The following PLXND1 variants were observed in gnomAD, a reference collection of about 807,000 sequenced individuals.
PLXND1 encodes the protein plexin-D1.
A neutral mutation model predicts 197.7 loss-of-function variants in PLXND1; 54 were observed. The ratio of observed to expected loss-of-function variants is 0.27; its 90% CI spans 0.22 to 0.34. The LOEUF is 0.34. PLXND1 is among the 10% of genes least tolerant of loss of function. PLXND1 has a pLI of 1.00. For missense variants in PLXND1, 2,127 were observed against 2,699.2 expected (o/e 0.79, Z 4.70); for synonymous variants, 1,180 against 1,161.2 (o/e 1.02, Z -0.33).
In PLXND1 at chr3:129,561,631, G is replaced by A. The variant is rs201670087; in HGVS notation, c.4993+15C>T. The A allele has an allele frequency of 2.4e-3, 3,881 of 1,591,826 alleles. 5 individuals are homozygous for A. The highest frequency in any genetic ancestry group is 3.1e-3 in the Non-Finnish European group (3,647 of 1,165,068). ...CACGCAGCCTGGGCTCCCTTCCCAC[G>A]TGCACCCGCACTACCTCGGCCCAGT... On this transcript the variant is annotated intron_variant, in intron 29 of 35. Coordinates refer to ENST00000324093, the MANE Select transcript of PLXND1 (RefSeq NM_015103.3).
intron 1 of PLXND1, among the ~76,000 whole-genome samples, chr3:129,593,143 ACCCT>A (rs2085571117): frequency 6.6e-6 from 1 of 151,948 alleles, no homozygotes; most frequent in African/African-American, 2.4e-5. Flanking sequence ...AGCTGGTCAG[ACCCT>A]CCCTACCTAC....
intron 8 of PLXND1, 82 bp from the exon 9 acceptor site, chr3:129,578,515 T>C: frequency 1.2e-6 from 1 of 822,566 alleles, no homozygotes; most frequent in Non-Finnish European, 2.0e-6. Context: ...CCAGCCTGCC[T>C]GGTTCAGTCC....
chr3:129,571,847 G>C lies in PLXND1; in HGVS notation c.3078-3C>G, dbSNP rs763799348. On this transcript the variant is annotated splice_region_variant and splice_polypyrimidine_tract_variant and intron_variant, in intron 15 of 35. Transcript: ENST00000324093. The stretch of plus-strand genomic sequence containing the variant: ...AGGCGATGCTGGTATCTGTGCGCCT[G>C]GGGGGAGCAGCAGGTTATCAGCAGG... The C allele has an allele frequency of 1.2e-6, 2 of 1,605,654 alleles. No homozygotes were observed. The highest frequency in any genetic ancestry group is 2.2e-5 in the South Asian group (2 of 90,374).
intron 1 of PLXND1, among the ~76,000 whole-genome samples, chr3:129,596,932 C>G (rs2085634179): frequency 6.6e-6 from 1 of 152,132 alleles, no homozygotes. Context: ...CAACGGGGCC[C>G]TCTCTCCAGC....
chr3:129,565,588 TGGGTCCCA>T, intron 24 of PLXND1, 50 bp from the exon 25 acceptor site: 1 of 1,506,526 alleles, frequency 6.6e-7, no homozygotes, highest in East Asian at 2.3e-5. Flanking sequence ...CTAGGAGCTG[TGGGTCCCA>T]GGGTCTCAGT....
Position 129,584,355 on chromosome 3 carries a change from G to A in PLXND1, c.2029+30C>T, listed in dbSNP as rs371318260. The A allele has an allele frequency of 3.5e-4, 570 of 1,607,218 alleles. 2 individuals are homozygous for A. The African/African-American group carries it at 6.9e-3, about 19-fold the overall frequency. On this transcript the variant is annotated intron_variant, in intron 6 of 35. Coordinates refer to ENST00000324093, the MANE Select transcript of PLXND1 (RefSeq NM_015103.3). Reference sequence around the variant, plus strand: ...TGACAGTCCACCGTTCTGCCCCTCTGGGGCTGTGCCAACAGCACAGCGTGC... The same window carrying A: ...TGACAGTCCACCGTTCTGCCCCTCTAGGGCTGTGCCAACAGCACAGCGTGC...
At position 129,605,334 on chromosome 3, in the gene PLXND1, T is replaced by G. The variant is rs763820694; in HGVS notation, c.1306A>C (p.Ile436Leu). ...TGPACERKLN[I>L]QLQPEQLDCG... ...CCGCCACCGCCCGGGTGTACCTGGA[T>G]GTTGAGCTTGCGCTCACAGGCCGGT... The change falls in exon 1 of 36, where the codon ATC becomes CTC. Residue 436 changes from isoleucine (I) to leucine (L), a missense_variant. Ile to Leu is a conservative substitution (Grantham distance 5). Around this residue, in one of 6 missense-constraint regions of PLXND1, gnomAD observed 1,095 missense variants for 1,259.8 expected, o/e 0.87. Coordinates refer to ENST00000324093, the MANE Select transcript of PLXND1 (RefSeq NM_015103.3). 7.0e-7 allele frequency: 1 copy of G among 1,429,738 alleles called. No homozygotes were observed. The highest frequency in any genetic ancestry group is 3.1e-5 in the East Asian group (1 of 32,694). The allele number at this position is 1,429,738 out of a possible 1,614,324, so 88.6% of individuals were successfully genotyped here.
chr3:129,563,144 T>A lies in PLXND1; in HGVS notation c.4618A>T (p.Thr1540Ser). ...IDAITGKARY[T>S]LSEEWLLREN... The stretch of plus-strand genomic sequence containing the variant: ...CGCAGCAGCCACTCCTCACTGAGTG[T>A]GTAGCGGGCCTTGCCTGTGATGGCG... The change falls in exon 26 of 36, where the codon ACA becomes TCA. Residue 1540 changes from threonine (T) to serine (S), a missense_variant. Thr to Ser is a moderately conservative substitution (Grantham distance 58). This residue lies in a region of PLXND1 where 532 missense variants were observed against 811.0 expected (regional missense o/e 0.66). Coordinates refer to ENST00000324093, the MANE Select transcript of PLXND1 (RefSeq NM_015103.3). 1 of 1,612,748 alleles carries A rather than the reference T, an allele frequency of 6.2e-7. No individual in the cohort carries two copies. Among genetic ancestry groups the A allele is most frequent in the Non-Finnish European group, 8.5e-7 (1 of 1,179,478 alleles).
At position 129,589,048 on chromosome 3, in the gene PLXND1, G is replaced by C. The variant is rs1255793643; in HGVS notation, c.1488+303C>G. ...AAGGTCAAAGGGCCAGCAAATGGCA[G>C]AGCCCAGACATTTGAACTCAGAGCC... On this transcript the variant is annotated intron_variant, in intron 2 of 35. Coordinates refer to ENST00000324093, the MANE Select transcript of PLXND1 (RefSeq NM_015103.3). Among the ~76,000 whole-genome samples the C allele has an allele frequency of 9.2e-5, 14 of 152,306 alleles. No individual in the cohort carries two copies. The East Asian group carries it at 1.5e-3, about 17-fold the overall frequency.
Position 129,560,739 on chromosome 3 carries a change from C to T in PLXND1, c.4994-16G>A. 1 of 1,524,406 alleles carries T rather than the reference C, an allele frequency of 6.6e-7. No individual in the cohort carries two copies. The allele number at this position is 1,524,406 out of a possible 1,614,324, so 94.4% of individuals were successfully genotyped here. On this transcript the variant is annotated splice_polypyrimidine_tract_variant and intron_variant, in intron 29 of 35. Transcript: ENST00000324093. Reference sequence around the variant, plus strand: ...AAGTCTTTCACTGTGAGAGGAAAAACACAATAAATAAACACGGGAGAGGAG... The same window carrying T: ...AAGTCTTTCACTGTGAGAGGAAAAATACAATAAATAAACACGGGAGAGGAG...
rs1367490448 is a variant in PLXND1, at chr3:129,577,967, G to A, written c.2346+362C>T. Among the ~76,000 whole-genome samples, 4 of 152,200 alleles carry A rather than the reference G, an allele frequency of 2.6e-5. No individual in the cohort carries two copies. The highest frequency in any genetic ancestry group is 9.7e-5 in the African/African-American group (4 of 41,450). The stretch of plus-strand genomic sequence containing the variant: ...GCAGTGGGCTCGGCGGTGGGTGGGT[G>A]TGTCCAGGGTCACAGCTCAGGCTAA... On this transcript the variant is annotated intron_variant, in intron 9 of 35. Coordinates refer to ENST00000324093, the MANE Select transcript of PLXND1 (RefSeq NM_015103.3). The surrounding 1 kb of genome is among the most constrained non-coding windows in gnomAD (Gnocchi z 5.0).
intron 27 of PLXND1, 37 bp downstream of exon 27, chr3:129,562,750 C>A (rs759001590): frequency 6.4e-7 from 1 of 1,565,470 alleles, no homozygotes; most frequent in African/African-American, 1.4e-5. Context: ...CCGGCTGAAG[C>A]GCCTGACACG....
At chr3:129,585,842 A>C (rs2085450931) in intron 5 of PLXND1, 110 bp downstream of exon 5, 1 of 1,412,074 alleles carries the variant, frequency 7.1e-7, no homozygotes, top group East Asian at 2.3e-5. Context: ...ATTTGTCTTC[A>C]GGTCCTTGGG....
In PLXND1 at chr3:129,560,263, G is replaced by A. The variant is rs568590753; in HGVS notation, c.5133+67C>T. ...GGGTGCACAGCTGGCCCTGAGCAAT[G>A]ACCCTCTGGAGCTGGGGCTGGAGCC... On this transcript the variant is annotated intron_variant, in intron 31 of 35. Coordinates refer to ENST00000324093, the MANE Select transcript of PLXND1 (RefSeq NM_015103.3). 68 of 1,011,998 alleles carry A rather than the reference G, an allele frequency of 6.7e-5. 1 individual carries two copies. The Admixed American group carries it at 1.2e-3, about 18-fold the overall frequency. 62.7% of individuals were successfully genotyped at this position (1,011,998 alleles called of 1,614,324 possible). A position where few individuals can be genotyped will look rare whatever the true frequency, so the allele number is the denominator to read the frequency against.
At chr3:129,571,623 C>T (rs1239826748) in intron 16 of PLXND1, 24 bp from the exon 17 acceptor site, 1 of 1,613,876 alleles carries the variant, frequency 6.2e-7, no homozygotes, top group Non-Finnish European at 8.5e-7. Context: ...CAAAACCTAT[C>T]AGTGCACCTG....
At position 129,555,819 on chromosome 3, in the gene PLXND1, G is replaced by C. The variant is rs2084965315; in HGVS notation, c.*493C>G. ...TGTGGCCAGGATCCTCTACGGGTGA[G>C]GGGGAAGTGGAGATAACATTTTGGT... On this transcript the variant is annotated 3_prime_UTR_variant, in exon 36 of 36. Coordinates refer to ENST00000324093, the MANE Select transcript of PLXND1 (RefSeq NM_015103.3). 5.3e-6 allele frequency: 2 copies of C among 377,312 alleles called. No homozygotes were observed. The highest frequency in any genetic ancestry group is 2.1e-5 in the African/African-American group (1 of 47,094). 23.4% of individuals were successfully genotyped at this position (377,312 alleles called of 1,614,324 possible). A position where few individuals can be genotyped will look rare whatever the true frequency, so the allele number is the denominator to read the frequency against.
chr3:129,585,277 C>A (rs1220240663), intron 5 of PLXND1, among the ~76,000 whole-genome samples: 3 of 152,182 alleles, frequency 2.0e-5, no homozygotes, highest in Admixed American at 6.5e-5. Flanking sequence ...CTGTCAGAGC[C>A]CCCCAGGGTG....
Position 129,571,549 on chromosome 3 carries a change from T to C in PLXND1, c.3296A>G (p.Asn1099Ser), listed in dbSNP as rs750885708. 1.9e-6 allele frequency: 3 copies of C among 1,613,706 alleles called. No individual in the cohort carries two copies. Among genetic ancestry groups the C allele is most frequent in the South Asian group, 2.2e-5 (2 of 91,088 alleles). ...VAGERFHMVQ[N>S]VSMAVHHIGR... ...AATGTGGTGGACGGCCATGGACACATTCTGCACCATGTGGAAACGCTCACC... is the reference window on the plus strand; with the variant it reads ...AATGTGGTGGACGGCCATGGACACACTCTGCACCATGTGGAAACGCTCACC... Residue 1099 changes from asparagine (N) to serine (S), a missense_variant, in exon 17 of 36, where the codon AAT becomes AGT. Transcript: ENST00000324093.
At chr3:129,571,339 C>G (rs765861354) in intron 17 of PLXND1, 36 bp from the exon 18 acceptor site, 1 of 1,596,140 alleles carries the variant, frequency 6.3e-7, no homozygotes, top group Non-Finnish European at 8.5e-7. Flanking sequence ...GGCCGGGATG[C>G]AGGATGGACA....
Sources: gnomAD v4.1 joint callset for allele counts (sites outside exome capture counted in the v4.1 genomes callset) on GRCh38, gnomAD v4.1.1 for gene constraint, gnomAD v4.1.1 regional missense constraint, Gnocchi (gnomAD v3.1) non-coding constraint, MANE v1.5 for transcripts, NCBI Gene and HGNC (gene_info 2026-07-23, HGNC 2026-07-21) for gene names.